CRISPLD2: variants seen among roughly 807,000 people sequenced by gnomAD.
The protein encoded by CRISPLD2 is cysteine rich secretory protein LCCL domain containing 2, also known as cysteine-rich secretory protein LCCL domain-containing 2.
CRISPLD2 carries 47 observed loss-of-function variants against 71.1 expected under a neutral mutation model. The ratio of observed to expected loss-of-function variants is 0.66; its 90% CI spans 0.52 to 0.84. CRISPLD2 has a LOEUF of 0.84. CRISPLD2 is among the 40% of genes least tolerant of loss of function. CRISPLD2 has a pLI of 0.00. For synonymous variants in CRISPLD2, 317 were observed against 250.1 expected, an observed-to-expected ratio of 1.27 and a Z score of -2.52; for missense variants, 830 against 651.1, an observed-to-expected ratio of 1.27 and a Z score of -2.99.
chr16:84,838,687 C>T lies in CRISPLD2; in HGVS notation c.192C>T (p.Asn64=), dbSNP rs752634722. 2 of 1,614,176 alleles carry T rather than the reference C, an allele frequency of 1.2e-6. No individual in the cohort carries two copies. Among genetic ancestry groups the T allele is most frequent in the South Asian group, 1.1e-5 (1 of 91,090 alleles). ...AGGAGGAGATCCTCATGCTGCACAACAAGCTTCGGGGCCAGGTGCAGCCTC... is the reference window on the plus strand; with the variant it reads ...AGGAGGAGATCCTCATGCTGCACAATAAGCTTCGGGGCCAGGTGCAGCCTC... ...EDKEEILMLH[N]KLRGQVQPQA... is the part of the protein sequence containing the mutation. The change falls in exon 2 of 15, where the codon AAC becomes AAT. Residue 64 remains asparagine (N), a synonymous_variant. Coordinates refer to ENST00000262424, the MANE Select transcript of CRISPLD2 (RefSeq NM_031476.4).
chr16:84,871,133 A>G (rs1358695133), intron 8 of CRISPLD2, among the ~76,000 whole-genome samples: 2 of 152,220 alleles, frequency 1.3e-5, no homozygotes, highest in Admixed American at 6.5e-5. Flanking sequence ...CTTGGAATAT[A>G]TATTTACAAG....
chr16:84,854,154 T>C (rs1401497627), intron 5 of CRISPLD2, among the ~76,000 whole-genome samples: 1 of 152,206 alleles, frequency 6.6e-6, no homozygotes, highest in Non-Finnish European at 1.5e-5. Flanking sequence ...CACTTGCTTG[T>C]CCTGTGACCT....
chr16:84,838,434 C>G lies in CRISPLD2; in HGVS notation c.-62C>G. 1 of 1,573,126 alleles carries G rather than the reference C, an allele frequency of 6.4e-7. No individual in the cohort carries two copies. Among genetic ancestry groups the G allele is most frequent in the Non-Finnish European group, 8.6e-7 (1 of 1,158,250 alleles). On this transcript the variant is annotated 5_prime_UTR_variant, in exon 2 of 15. Transcript: ENST00000262424. ...TGCTTCCTTTCAGAGCTCAAGCGCCCAGCTCTGCCCGAGGAGCCCAGGCTG... is the reference window on the plus strand; with the variant it reads ...TGCTTCCTTTCAGAGCTCAAGCGCCGAGCTCTGCCCGAGGAGCCCAGGCTG...
In CRISPLD2 at chr16:84,824,187, G is replaced by A. The variant is rs370756279; in HGVS notation, c.-75+4054G>A. Among the ~76,000 whole-genome samples the A allele has an allele frequency of 4.1e-4, 62 of 152,320 alleles. No individual in the cohort carries two copies. In the East Asian group the frequency reaches 4.3e-3, roughly 10 times the overall value. On this transcript the variant is annotated intron_variant, in intron 1 of 14. Transcript: ENST00000262424. ...CGTGTGTGTGCAAAGGCCTGCAGGT[G>A]GAGAAGGGCCTGGGACTCTTGGAGA...
chr16:84,838,730 T>C lies in CRISPLD2; in HGVS notation c.235T>C (p.Tyr79His). Residue 79 changes from tyrosine (Y) to histidine (H), a missense_variant, in exon 2 of 15, where the codon TAC (tyrosine) becomes CAC (histidine). By Grantham distance (83) the Tyr-to-His change is moderately conservative. Transcript: ENST00000262424. ...QVQPQASNME[Y>H]MTWDDELEKS... Reference sequence around the variant, plus strand: ...GCAGCCTCAGGCCTCCAACATGGAGTACATGGTGAGCGCCGGCTCCGGCCG... The same window carrying C: ...GCAGCCTCAGGCCTCCAACATGGAGCACATGGTGAGCGCCGGCTCCGGCCG... The C allele has an allele frequency of 6.2e-7, 1 of 1,612,874 alleles. No individual in the cohort carries two copies. Among genetic ancestry groups the C allele is most frequent in the Non-Finnish European group, 8.5e-7 (1 of 1,179,844 alleles).
intron 6 of CRISPLD2, among the ~76,000 whole-genome samples, chr16:84,855,584 C>A (rs927159003): frequency 6.6e-6 from 1 of 152,186 alleles, no homozygotes; most frequent in Admixed American, 6.5e-5. Context: ...CCTCTCCCAG[C>A]CCACTGACTC....
At chr16:84,850,816 C>T in intron 5 of CRISPLD2, 133 bp downstream of exon 5, 1 of 691,462 alleles carries the variant, frequency 1.4e-6, no homozygotes, top group Non-Finnish European at 2.6e-6. Flanking sequence ...GAGTTTAGTG[C>T]ATCTGGGTTA....
chr16:84,890,402 G>C (rs766829491), intron 14 of CRISPLD2, among the ~76,000 whole-genome samples: 1 of 151,864 alleles, frequency 6.6e-6, no homozygotes, highest in Non-Finnish European at 1.5e-5. Flanking sequence ...TGCAAATGAG[G>C]GTTATGTTGA....
intron 11 of CRISPLD2, among the ~76,000 whole-genome samples, chr16:84,874,582 C>T (rs957375986): frequency 6.6e-6 from 1 of 152,226 alleles, no homozygotes; most frequent in Admixed American, 6.5e-5. Flanking sequence ...AGGAGCCATT[C>T]CAGCTTCCTC....
chr16:84,837,952 C>T (rs556257585), intron 1 of CRISPLD2, among the ~76,000 whole-genome samples: 1 of 152,324 alleles, frequency 6.6e-6, no homozygotes, highest in African/African-American at 2.4e-5. Flanking sequence ...AGCCATATGT[C>T]AACCACTATT....
rs781124473 is a variant in CRISPLD2 at position 84,872,511 on chromosome 16, G to T, written c.981+3G>T. Reference sequence around the variant, plus strand: ...TTGGAACTCTGTTCTATGAAAGCGTGAGTGTGGCCAGTCCTCCTCTCAATG... The same window carrying T: ...TTGGAACTCTGTTCTATGAAAGCGTTAGTGTGGCCAGTCCTCCTCTCAATG... On this transcript the variant is annotated splice_donor_region_variant and intron_variant, in intron 9 of 14. Transcript: ENST00000262424. The T allele has an allele frequency of 6.2e-7, 1 of 1,613,060 alleles. No individual in the cohort carries two copies. Among genetic ancestry groups the T allele is most frequent in the Non-Finnish European group, 8.5e-7 (1 of 1,179,262 alleles).
chr16:84,848,967 C>CA (rs35645914), intron 3 of CRISPLD2, among the ~76,000 whole-genome samples: 94,670 of 140,986 alleles, frequency 0.67, 32,277 homozygotes, highest in Middle Eastern at 0.84. Flanking sequence ...GCCTGGGCGA[C>CA]AGAGCGAGAC....
At chr16:84,862,397 A>G (rs766125824) in intron 6 of CRISPLD2, among the ~76,000 whole-genome samples, 1 of 151,990 alleles carries the variant, frequency 6.6e-6, no homozygotes, top group African/African-American at 2.4e-5. Flanking sequence ...ACGGGATCTC[A>G]CTATATTGCC....
intron 8 of CRISPLD2, among the ~76,000 whole-genome samples, chr16:84,870,365 G>A (rs2071457175): frequency 6.6e-6 from 1 of 151,768 alleles, no homozygotes; most frequent in Non-Finnish European, 1.5e-5. Context: ...TGTCACCCAG[G>A]CTGAAGTGCA....
chr16:84,833,587 G>A (rs1916540423), intron 1 of CRISPLD2, among the ~76,000 whole-genome samples: 1 of 152,092 alleles, frequency 6.6e-6, no homozygotes, highest in Admixed American at 6.5e-5. Context: ...AGTGCACTCG[G>A]GGCAGCCACC....
chr16:84,820,585 G>GT (rs1916208972), intron 1 of CRISPLD2, among the ~76,000 whole-genome samples: 1 of 152,188 alleles, frequency 6.6e-6, no homozygotes, highest in African/African-American at 2.4e-5. Flanking sequence ...TTCAGCTGCA[G>GT]TTTAGAGGGC....
intron 7 of CRISPLD2, among the ~76,000 whole-genome samples, chr16:84,868,203 CTGTAGCT>C (rs2143274653): frequency 6.6e-6 from 1 of 152,354 alleles, no homozygotes; most frequent in East Asian, 1.9e-4. Context: ...CCGAAGCATT[CTGTAGCT>C]TGCTTTGACC....
rs1917064604 is a variant in CRISPLD2 at position 84,850,690 on chromosome 16, C to T, written c.608+7C>T. 1 of 1,605,234 alleles carries T rather than the reference C, an allele frequency of 6.2e-7. No homozygotes were observed. The highest frequency in any genetic ancestry group is 8.5e-7 in the Non-Finnish European group (1 of 1,171,852). ...TCTGCAATTATTCTCCAAAGTAAGA[C>T]AAGTTGATGCCGTTGTATGGGGTGG... is the stretch of plus-strand genomic sequence containing the variant. On this transcript the variant is annotated splice_region_variant and intron_variant, in intron 5 of 14. Coordinates refer to ENST00000262424, the MANE Select transcript of CRISPLD2 (RefSeq NM_031476.4).
At chr16:84,875,474 A>G (rs1156732515) in intron 11 of CRISPLD2, among the ~76,000 whole-genome samples, 4 of 83,966 alleles carry the variant, frequency 4.8e-5, no homozygotes, top group African/African-American at 1.9e-4. Flanking sequence ...AGTATATTTT[A>G]TCTGTAGCCC....
Sources: allele counts gnomAD v4.1 joint callset (sites outside exome capture counted in the v4.1 genomes callset), GRCh38; gene constraint gnomAD v4.1.1; transcripts MANE v1.5; gene names NCBI Gene and HGNC (gene_info 2026-07-23, HGNC 2026-07-21).